The following INTS1 variants were observed in gnomAD, a reference collection of about 807,000 sequenced individuals.
The protein encoded by INTS1 is integrator complex subunit 1.
Under a neutral mutation model 241.6 loss-of-function variants are expected in INTS1, and 137 were observed. That is an observed-to-expected ratio of 0.57 (90% CI 0.49 to 0.65). The LOEUF (loss-of-function observed/expected upper bound fraction) is 0.65. INTS1 is among the 30% of genes least tolerant of loss of function. The probability of loss-of-function intolerance (pLI) is 0.00; values close to 1 mark genes in which losing one functional copy is unlikely to be tolerated. For synonymous variants in INTS1, 1,692 were observed against 1,337.8 expected, an observed-to-expected ratio of 1.26 and a Z score of -5.78; for missense variants, 3,073 against 3,032.2, an observed-to-expected ratio of 1.01 and a Z score of -0.32.
intron 26 of INTS1, 99 bp downstream of exon 26, chr7:1,483,643 G>A (rs760673411): frequency 1.3e-4 from 118 of 915,192 alleles, no homozygotes; most frequent in East Asian, 1.8e-4. Flanking sequence ...GGGGCTTCCC[G>A]CCCAGAAGCA....
intron 16 of INTS1, among the ~76,000 whole-genome samples, chr7:1,491,134 C>T (rs1489899825): frequency 3.3e-5 from 5 of 152,204 alleles, no homozygotes; most frequent in African/African-American, 9.7e-5. Flanking sequence ...CGGGAGAAAA[C>T]GGGAGGAGGG....
At chr7:1,502,063 G>C (rs1183411801) in intron 3 of INTS1, among the ~76,000 whole-genome samples, 1 of 152,124 alleles carries the variant, frequency 6.6e-6, no homozygotes, top group Non-Finnish European at 1.5e-5. Flanking sequence ...CCCTCCCTGA[G>C]GGCAAGGCCA....
intron 31 of INTS1, among the ~76,000 whole-genome samples, 191 bp downstream of exon 31, chr7:1,479,239 C>T (rs1781878894): frequency 6.6e-6 from 1 of 152,250 alleles, no homozygotes; most frequent in South Asian, 2.1e-4. Flanking sequence ...GCACTGCCCC[C>T]ACCTCCCGTC....
Position 1,478,761 on chromosome 7 carries a change from G to T in INTS1, c.4454C>A (p.Ala1485Asp). 6.3e-7 allele frequency: 1 copy of T among 1,596,398 alleles called. No individual in the cohort carries two copies. ...GPLRAQLRML[A>D]SQASAGRRLS... ...CCTGCGCCCGGCTGAGGCCTGGCTGGCAAGCATCCTGAGCTGTGCCCGCAG... is the reference window on the plus strand; with the variant it reads ...CCTGCGCCCGGCTGAGGCCTGGCTGTCAAGCATCCTGAGCTGTGCCCGCAG... The change falls in exon 32 of 48, where the codon GCC (alanine) becomes GAC (aspartate). Residue 1485 changes from alanine (A) to aspartate (D), a missense_variant. Physicochemically the swap from Ala to Asp is moderately radical, Grantham distance 126. Transcript: ENST00000404767.
intron 18 of INTS1, among the ~76,000 whole-genome samples, chr7:1,488,693 G>T (rs1440232114): frequency 6.6e-6 from 1 of 152,114 alleles, no homozygotes; most frequent in African/African-American, 2.4e-5. Context: ...CCACAGCCTC[G>T]GGCGCCCCTT....
Position 1,483,733 on chromosome 7 carries a change from G to A in INTS1, c.3541+9C>T, listed in dbSNP as rs745963776. 7 of 1,606,788 alleles carry A rather than the reference G, an allele frequency of 4.4e-6. No individual in the cohort carries two copies. In the East Asian group the frequency reaches 1.3e-4, roughly 31 times the overall value. On this transcript the variant is annotated intron_variant, in intron 26 of 47. Coordinates refer to ENST00000404767, the MANE Select transcript of INTS1 (RefSeq NM_001080453.3). ...GAAGCTGCCCCTCCCGGGGCCTGTG[G>A]CGGCTCACCTCGAGGCGGGCCCAGC...
intron 3 of INTS1, among the ~76,000 whole-genome samples, chr7:1,502,178 T>G (rs1263354008): frequency 6.6e-6 from 1 of 152,084 alleles, no homozygotes; most frequent in Non-Finnish European, 1.5e-5. Flanking sequence ...ACACTTGTTC[T>G]TTTTGACTCC....
rs530382096 is a variant in INTS1, at chr7:1,485,062, C to G, written c.3261+36G>C. ...ACTGCCGGCTGGCCCCGTCCCCTCCCCAGGGCCACACTGCTGGCTGACCCT... is the reference window on the plus strand; with the variant it reads ...ACTGCCGGCTGGCCCCGTCCCCTCCGCAGGGCCACACTGCTGGCTGACCCT... On this transcript the variant is annotated intron_variant, in intron 24 of 47. Coordinates refer to ENST00000404767, the MANE Select transcript of INTS1 (RefSeq NM_001080453.3). The G allele has an allele frequency of 2.7e-5, 38 of 1,415,458 alleles. No homozygotes were observed. In the East Asian group the frequency reaches 8.5e-4, roughly 32 times the overall value. The allele number at this position is 1,415,458 out of a possible 1,614,324, so 87.7% of individuals were successfully genotyped here. A position where few individuals can be genotyped will look rare whatever the true frequency, so the allele number is the denominator to read the frequency against.
chr7:1,480,993 C>T (rs1376623785), intron 28 of INTS1, 60 bp from the exon 29 acceptor site: 1 of 1,279,160 alleles, frequency 7.8e-7, no homozygotes. Flanking sequence ...CAGGTCCTTC[C>T]CTCTCCACAG....
chr7:1,498,644 C>T (rs576280466), intron 9 of INTS1, 63 bp downstream of exon 9: 5 of 1,530,308 alleles, frequency 3.3e-6, no homozygotes, highest in African/African-American at 1.4e-5. Context: ...CCCGCTCCGC[C>T]CACACCCCCA....
chr7:1,498,723 A>G lies in INTS1; in HGVS notation c.1267T>C (p.Phe423Leu), dbSNP rs1182759378. 1 of 1,555,018 alleles carries G rather than the reference A, an allele frequency of 6.4e-7. No individual in the cohort carries two copies. Among genetic ancestry groups the G allele is most frequent in the South Asian group, 1.2e-5 (1 of 84,312 alleles). Residue 423 changes from phenylalanine to leucine, a missense_variant, in exon 9 of 48, where the codon TTC (phenylalanine) becomes CTC (leucine). Physicochemically the swap from Phe to Leu is conservative, Grantham distance 22. Transcript: ENST00000404767. ...GCCACGCACCTGATGCACAGCATGA[A>G]GTGGTTGAGGAGGACCTTGGGCTTG... is the stretch of plus-strand genomic sequence containing the variant. ...RLKPKVLLNH[F>L]MLCIRELLSA...
intron 16 of INTS1, among the ~76,000 whole-genome samples, chr7:1,490,122 T>A (rs901041630): frequency 6.6e-6 from 1 of 151,912 alleles, no homozygotes; most frequent in Non-Finnish European, 1.5e-5. Flanking sequence ...TGGAGCCACA[T>A]GCAGAGGCTG....
chr7:1,494,633 TG>T (rs1370578337), intron 14 of INTS1, 182 bp downstream of exon 14: 12 of 659,798 alleles, frequency 1.8e-5, no homozygotes, highest in Non-Finnish European at 2.9e-5. Context: ...ACAGTGGCGC[TG>T]GGACGCCAGC....
intron 39 of INTS1, 143 bp downstream of exon 39, chr7:1,475,802 CCCA>C: frequency 9.6e-7 from 1 of 1,041,936 alleles, no homozygotes; most frequent in East Asian, 2.6e-5. Flanking sequence ...CGCAGACAAA[CCCA>C]CAGGGCCACA....
chr7:1,483,260 A>G, intron 26 of INTS1: 1 of 234,530 alleles, frequency 4.3e-6, no homozygotes, highest in Admixed American at 5.0e-5. Context: ...AGTAAAGGGG[A>G]AGGCTGCGGC....
intron 24 of INTS1, 74 bp from the exon 25 acceptor site, chr7:1,484,244 G>A (rs573950578): frequency 3.3e-5 from 48 of 1,454,236 alleles, no homozygotes; most frequent in East Asian, 1.4e-4. Flanking sequence ...TGACCTCGTC[G>A]CAGGCACGCT....
intron 43 of INTS1, 55 bp from the exon 44 acceptor site, chr7:1,472,441 T>C: frequency 1.5e-6 from 2 of 1,296,142 alleles, no homozygotes; most frequent in South Asian, 2.9e-5. Flanking sequence ...CGTGCCACAC[T>C]GAGGCACCAG....
chr7:1,473,640 C>G lies in INTS1; in HGVS notation c.5883G>C (p.Gln1961His). Residue 1961 changes from glutamine to histidine, a missense_variant, in exon 42 of 48, where the codon CAG becomes CAC. Transcript: ENST00000404767. ...HLAAFINKFVQFIHKYITYNA... is the reference protein window; with the variant it reads ...HLAAFINKFVHFIHKYITYNA... ...TGTAGGTAATGTACTTATGGATGAACTGCACAAACTTGTTGATGAAGGCAG... is the reference window on the plus strand; with the variant it reads ...TGTAGGTAATGTACTTATGGATGAAGTGCACAAACTTGTTGATGAAGGCAG... 6.2e-7 allele frequency: 1 copy of G among 1,613,446 alleles called. No homozygotes were observed. The highest frequency in any genetic ancestry group is 8.5e-7 in the Non-Finnish European group (1 of 1,179,792).
intron 39 of INTS1, 34 bp downstream of exon 39, chr7:1,475,896 CCGGCCAGGGCACCTGGGA>C (rs1781691323): frequency 6.6e-7 from 1 of 1,516,764 alleles, no homozygotes; most frequent in Non-Finnish European, 8.8e-7. Flanking sequence ...CCCTCCCTGC[CCGGCCAGGGCACCTGGGA>C]CGGCGGCGGG....
Sources: allele counts gnomAD v4.1 joint callset (sites outside exome capture counted in the v4.1 genomes callset), GRCh38; gene constraint gnomAD v4.1.1; transcripts MANE v1.5; gene names NCBI Gene and HGNC (gene_info 2026-07-23, HGNC 2026-07-21).